Variants in WWOX observed in about 807,000 individuals in gnomAD.
WWOX encodes the protein WW domain containing oxidoreductase, also known as WW domain-containing oxidoreductase.
A neutral mutation model predicts 46.2 loss-of-function variants in WWOX; 69 were observed. That is an observed-to-expected ratio of 1.49 (90% CI 1.23 to 1.82). The LOEUF is 1.82. Ranked by LOEUF, WWOX falls within the 40% of genes most tolerant of loss-of-function variation. The pLI is 0.00. For missense variants in WWOX, 919 were observed against 542.6 expected (o/e 1.69, Z -6.89); for synonymous variants, 359 against 202.6 (o/e 1.77, Z -6.56).
intron 8 of WWOX, among the ~76,000 whole-genome samples, chr16:79,049,712 T>G (rs1263035990): frequency 6.6e-6 from 1 of 151,790 alleles, no homozygotes; most frequent in African/African-American, 2.4e-5. Flanking sequence ...GGCCGGCGCC[T>G]GTAATCCCAG....
chr16:78,551,441 T>A (rs899053481), intron 8 of WWOX: 1 of 152,224 alleles, frequency 6.6e-6, no homozygotes, highest in Non-Finnish European at 1.5e-5. Context: ...TGCCCTGATG[T>A]CTGGGAAATT....
At chr16:78,750,033 A>G (rs905870264) in intron 8 of WWOX, among the ~76,000 whole-genome samples, 1 of 152,232 alleles carries the variant, frequency 6.6e-6, no homozygotes, top group Non-Finnish European at 1.5e-5. Flanking sequence ...GATAGACTCT[A>G]TCAGGGAAAA....
intron 8 of WWOX, among the ~76,000 whole-genome samples, chr16:78,645,513 C>T (rs1429109185): frequency 6.6e-6 from 1 of 151,998 alleles, no homozygotes; most frequent in Non-Finnish European, 1.5e-5. Flanking sequence ...AGCATGGTGC[C>T]AATGTATTTC....
At chr16:78,675,896 T>G (rs1012617139) in intron 8 of WWOX, among the ~76,000 whole-genome samples, 1 of 152,060 alleles carries the variant, frequency 6.6e-6, no homozygotes, top group Non-Finnish European at 1.5e-5. Context: ...TATAGAAAAT[T>G]TGGAAAATGT....
chr16:78,180,039 C>T (rs2035478934), intron 5 of WWOX, among the ~76,000 whole-genome samples: 2 of 152,174 alleles, frequency 1.3e-5, no homozygotes, highest in South Asian at 4.1e-4. Flanking sequence ...TTGTGTTTTC[C>T]TAAGTACTGA....
chr16:78,443,218 T>G (rs2083484933), intron 8 of WWOX, among the ~76,000 whole-genome samples: 2 of 140,292 alleles, frequency 1.4e-5, no homozygotes, highest in Non-Finnish European at 3.0e-5. Context: ...GACATGAAAA[T>G]CACATGAACC....
chr16:78,527,216 G>C (rs2043493172), intron 8 of WWOX, among the ~76,000 whole-genome samples: 1 of 151,700 alleles, frequency 6.6e-6, no homozygotes. Context: ...ACAACCTAAG[G>C]ACGACTTTGA....
intron 8 of WWOX, among the ~76,000 whole-genome samples, chr16:78,771,685 T>C (rs1285935043): frequency 6.6e-6 from 1 of 152,006 alleles, no homozygotes; most frequent in African/African-American, 2.4e-5. Flanking sequence ...AGCAGGAGAA[T>C]TGCTTGAGCC....
chr16:78,864,521 G>T (rs1312636599), intron 8 of WWOX, among the ~76,000 whole-genome samples: 1 of 151,986 alleles, frequency 6.6e-6, no homozygotes, highest in Non-Finnish European at 1.5e-5. Flanking sequence ...CGCCTGCCTT[G>T]GCCTCCCAAA....
intron 5 of WWOX, among the ~76,000 whole-genome samples, chr16:78,251,445 A>T (rs1421039266): frequency 1.3e-5 from 2 of 152,142 alleles, no homozygotes; most frequent in African/African-American, 2.4e-5. Context: ...CTCGTTACAC[A>T]GCATTGCCTG....
intron 8 of WWOX, among the ~76,000 whole-genome samples, chr16:78,807,707 ACGTAC>A (rs1270338128): frequency 6.6e-6 from 1 of 152,242 alleles, no homozygotes; most frequent in Admixed American, 6.5e-5. Context: ...AGAAGAAACA[ACGTAC>A]TGTTACATAA....
Position 78,508,333 on chromosome 16 carries a change from T to C in WWOX, c.1056+75581T>C, listed in dbSNP as rs922564106. 2.3e-3 allele frequency among the ~76,000 whole-genome samples: 329 copies of C among 140,804 alleles called. 5 individuals carry two copies. The highest frequency in any genetic ancestry group is 3.3e-3 in the Non-Finnish European group (217 of 65,102). 92.4% of individuals were successfully genotyped at this position (140,804 alleles called of 152,430 possible). On this transcript the variant is annotated intron_variant, in intron 8 of 8. Transcript: ENST00000566780. ...GCCTTTTTTTTTTTTTTTTTTTTTTTTTTTTTTAACGCTCATCAGCTATTG... is the reference window on the plus strand; with the variant it reads ...GCCTTTTTTTTTTTTTTTTTTTTTTCTTTTTTTAACGCTCATCAGCTATTG...
chr16:78,896,228 A>G (rs969321252), intron 8 of WWOX: 9 of 152,174 alleles, frequency 5.9e-5, no homozygotes, highest in African/African-American at 2.2e-4. Context: ...CATTTGAAAA[A>G]AAAAAAAAGT....
At chr16:78,969,314 G>A (rs2046424835) in intron 8 of WWOX, among the ~76,000 whole-genome samples, 1 of 149,422 alleles carries the variant, frequency 6.7e-6, no homozygotes, top group Non-Finnish European at 1.5e-5. Context: ...TCTGTCACCT[G>A]GCTGGAATAC....
chr16:78,950,802 A>C (rs1371899633), intron 8 of WWOX, among the ~76,000 whole-genome samples: 1 of 152,162 alleles, frequency 6.6e-6, no homozygotes, highest in Non-Finnish European at 1.5e-5. Flanking sequence ...GGAAAACTTG[A>C]AGGTTGGCAC....
At chr16:78,355,302 G>A (rs2081261949) in intron 5 of WWOX, among the ~76,000 whole-genome samples, 1 of 152,000 alleles carries the variant, frequency 6.6e-6, no homozygotes, top group Non-Finnish European at 1.5e-5. Context: ...TATGTGTATA[G>A]ATAAAAATGC....
chr16:78,508,977 C>T (rs1242080245), intron 8 of WWOX, among the ~76,000 whole-genome samples: 1 of 152,228 alleles, frequency 6.6e-6, no homozygotes, highest in Non-Finnish European at 1.5e-5. Flanking sequence ...AACGAGATTT[C>T]GCCAGCAGGA....
intron 5 of WWOX, 42 bp downstream of exon 5, chr16:78,164,331 C>A: frequency 6.4e-7 from 1 of 1,561,592 alleles, no homozygotes; most frequent in Non-Finnish European, 8.8e-7. Context: ...TTGTCAAATA[C>A]ACATGCCGGG....
chr16:78,710,488 A>ATATATATATATATATATT (rs2048418795), intron 8 of WWOX, among the ~76,000 whole-genome samples: 1 of 133,656 alleles, frequency 7.5e-6, no homozygotes, highest in Non-Finnish European at 1.6e-5. Flanking sequence ...ATATATATAT[A>ATATATATATATATATATT]TATATATATA....
Sources: allele counts gnomAD v4.1 joint callset (sites outside exome capture counted in the v4.1 genomes callset), GRCh38; gene constraint gnomAD v4.1.1; transcripts MANE v1.5; gene names NCBI Gene and HGNC (gene_info 2026-07-23, HGNC 2026-07-21).